Variants in MTUS2 observed in about 807,000 individuals in gnomAD.
The protein encoded by MTUS2 is microtubule associated scaffold protein 2, also known as microtubule-associated tumor suppressor candidate 2.
Under a neutral mutation model 114.1 loss-of-function variants are expected in MTUS2, and 40 were observed. The observed-to-expected ratio is 0.35, with a 90% confidence interval of 0.27 to 0.46. The LOEUF (loss-of-function observed/expected upper bound fraction) is 0.46, where lower values mean the gene tolerates loss of function less well. Among genes scored for constraint, MTUS2 ranks in the 20% least tolerant of loss-of-function variants. The probability of loss-of-function intolerance (pLI) is 1.00; values close to 1 mark genes in which losing one functional copy is unlikely to be tolerated. For missense variants in MTUS2, 1,679 were observed against 1,705.4 expected, an observed-to-expected ratio of 0.98 and a Z score of 0.27; for synonymous variants, 688 against 672.0, an observed-to-expected ratio of 1.02 and a Z score of -0.37.
intron 11 of MTUS2, among the ~76,000 whole-genome samples, chr13:29,489,379 AAGACCCAGTGTGCC>A (rs1241076575): frequency 6.6e-6 from 1 of 152,252 alleles, no homozygotes; most frequent in African/African-American, 2.4e-5. Context: ...CTCTGTGAAC[AAGACCCAGTGTGCC>A]ATAACCAAGG....
intron 5 of MTUS2, among the ~76,000 whole-genome samples, chr13:29,110,693 G>T (rs1363946293): frequency 6.6e-6 from 1 of 151,822 alleles, no homozygotes; most frequent in Non-Finnish European, 1.5e-5. Flanking sequence ...GTGTTTTTGA[G>T]CATTGCCTTT....
Position 29,359,262 on chromosome 13 carries a change from G to C in MTUS2, c.2906G>C (p.Gly969Ala). 1 of 1,594,888 alleles carries C rather than the reference G, an allele frequency of 6.3e-7. No homozygotes were observed. Among genetic ancestry groups the C allele is most frequent in the East Asian group, 2.3e-5 (1 of 43,948 alleles). Reference sequence around the variant, plus strand: ...CGGGGTTTGGTTTTCTTTCTCACAGGATACCCAAAGCAGAGGACTGCGGCA... The same window carrying C: ...CGGGGTTTGGTTTTCTTTCTCACAGCATACCCAAAGCAGAGGACTGCGGCA... ...AASTTKLHSP[G>A]YPKQRTAAAR... The change falls in exon 8 of 16, where the codon GGA (glycine) becomes GCA (alanine). Residue 969 changes from glycine (G) to alanine (A), a missense_variant and splice_region_variant. Around this residue, in one of 3 missense-constraint regions of MTUS2, gnomAD observed 822 missense variants for 899.7 expected, o/e 0.91. Coordinates refer to ENST00000612955, the MANE Select transcript of MTUS2 (RefSeq NM_001033602.4).
At chr13:29,170,666 C>G (rs1041137032) in intron 5 of MTUS2, among the ~76,000 whole-genome samples, 1 of 152,116 alleles carries the variant, frequency 6.6e-6, no homozygotes, top group African/African-American at 2.4e-5. Context: ...CCAAATGGGG[C>G]GGGGCATTTG....
At chr13:28,820,664 G>C (rs1873827595) in intron 1 of MTUS2, 53 bp downstream of exon 1, 1 of 152,210 alleles carries the variant, frequency 6.6e-6, no homozygotes. Flanking sequence ...CTCTGCTGCC[G>C]CCCTCTGGAC....
At chr13:28,825,830 G>A (rs769509696) in intron 1 of MTUS2, among the ~76,000 whole-genome samples, 2 of 152,176 alleles carry the variant, frequency 1.3e-5, no homozygotes, top group Non-Finnish European at 2.9e-5. Flanking sequence ...ATTGTTTGCT[G>A]GTGGGTAGGG....
At position 29,441,955 on chromosome 13, in the gene MTUS2, G is replaced by A. The variant is rs186945331; in HGVS notation, c.3184+1906G>A. Among the ~76,000 whole-genome samples the A allele has an allele frequency of 3.0e-3, 457 of 152,224 alleles. 3 individuals carry two copies. The highest frequency in any genetic ancestry group is 0.011 in the African/African-American group (437 of 41,530). On this transcript the variant is annotated intron_variant, in intron 9 of 15. Transcript: ENST00000612955. ...GCAAAGACCCCCTTCTCCACTCACC[G>A]GCTTTAGGGCCTGTCCTCAGTTGGA...
At chr13:29,425,884 TCTC>T (rs1481340597) in intron 8 of MTUS2, among the ~76,000 whole-genome samples, 3 of 119,342 alleles carry the variant, frequency 2.5e-5, no homozygotes, top group South Asian at 2.6e-4. Flanking sequence ...CTCGTGCTAA[TCTC>T]CTGTGAGCAA....
chr13:28,980,602 G>A (rs1399524023), intron 2 of MTUS2, among the ~76,000 whole-genome samples: 2 of 152,174 alleles, frequency 1.3e-5, no homozygotes, highest in African/African-American at 4.8e-5. Context: ...TTTAGCTCAC[G>A]GGGATGGCTA....
intron 8 of MTUS2, among the ~76,000 whole-genome samples, chr13:29,391,290 A>T (rs781438903): frequency 2.0e-5 from 3 of 152,152 alleles, no homozygotes; most frequent in Admixed American, 6.5e-5. Context: ...GGGTTTCACC[A>T]TGTTGGCCAG....
At chr13:28,996,463 A>G (rs557763040) in intron 2 of MTUS2, among the ~76,000 whole-genome samples, 2,701 of 152,334 alleles carry the variant, frequency 0.018, 83 homozygotes, top group African/African-American at 0.061. Context: ...GAATAGTTTC[A>G]GAAGGAATGG....
In MTUS2 at chr13:28,911,845, GTT is replaced by G. The variant is rs202187530; in HGVS notation, c.-243+72012_-243+72013del. On this transcript the variant is annotated intron_variant, in intron 2 of 15. Coordinates refer to ENST00000612955, the MANE Select transcript of MTUS2 (RefSeq NM_001033602.4). ...TCATATTCTTTGCCCACTTTTTAATGTTTTTTTTTTTTTTTTTTGTAAATTTG... is the reference window on the plus strand; with the variant it reads ...TCATATTCTTTGCCCACTTTTTAATGTTTTTTTTTTTTTTTTGTAAATTTG... Among the ~76,000 whole-genome samples the G allele has an allele frequency of 4.7e-3, 489 of 103,834 alleles. 3 individuals are homozygous for G. The highest frequency in any genetic ancestry group is 0.016 in the African/African-American group (421 of 26,634). The allele number at this position is 103,834 out of a possible 152,430, so 68.1% of individuals were successfully genotyped here. A position where few individuals can be genotyped will look rare whatever the true frequency, so the allele number is the denominator to read the frequency against.
intron 2 of MTUS2, among the ~76,000 whole-genome samples, chr13:29,000,573 C>G (rs1885340071): frequency 6.6e-6 from 1 of 152,122 alleles, no homozygotes; most frequent in Non-Finnish European, 1.5e-5. Context: ...GCCATGTTGT[C>G]CAGGCTGGTC....
intron 14 of MTUS2, among the ~76,000 whole-genome samples, chr13:29,499,853 T>C (rs1181108174): frequency 6.6e-6 from 1 of 152,236 alleles, no homozygotes. Context: ...ACGGGTGCAG[T>C]TAATGGGGGC....
chr13:28,885,956 G>GCC (rs1234790429), intron 2 of MTUS2, among the ~76,000 whole-genome samples: 1 of 152,186 alleles, frequency 6.6e-6, no homozygotes. Context: ...CACAGGGTGG[G>GCC]TGACACTGGG....
intron 7 of MTUS2, among the ~76,000 whole-genome samples, chr13:29,325,855 C>G (rs1311445405): frequency 6.6e-6 from 1 of 152,132 alleles, no homozygotes; most frequent in African/African-American, 2.4e-5. Flanking sequence ...CATTAATTTG[C>G]CCAAAGTCAC....
intron 2 of MTUS2, among the ~76,000 whole-genome samples, chr13:29,014,625 G>T (rs1219231539): frequency 6.6e-6 from 1 of 152,194 alleles, no homozygotes; most frequent in East Asian, 1.9e-4. Context: ...GACCATCCAG[G>T]AAAGCCCCTC....
chr13:29,451,616 C>A (rs561574097), intron 9 of MTUS2, among the ~76,000 whole-genome samples: 1 of 149,792 alleles, frequency 6.7e-6, no homozygotes, highest in African/African-American at 2.5e-5. Flanking sequence ...TGGAGTTTTG[C>A]TCTTGTTGCC....
intron 5 of MTUS2, among the ~76,000 whole-genome samples, chr13:29,267,053 GAA>G (rs1897691926): frequency 6.6e-6 from 1 of 152,204 alleles, no homozygotes; most frequent in Non-Finnish European, 1.5e-5. Flanking sequence ...AGCCGGGGAA[GAA>G]GAGCTGGTGG....
chr13:29,338,459 G>T (rs569543837), intron 7 of MTUS2, among the ~76,000 whole-genome samples: 1 of 152,044 alleles, frequency 6.6e-6, no homozygotes, highest in African/African-American at 2.4e-5. Context: ...GCGTGGCGGC[G>T]TGAGCCTGTA....
Sources: allele counts gnomAD v4.1 joint callset (sites outside exome capture counted in the v4.1 genomes callset), GRCh38; gene constraint gnomAD v4.1.1; regional missense constraint gnomAD v4.1.1; transcripts MANE v1.5; gene names NCBI Gene and HGNC (gene_info 2026-07-23, HGNC 2026-07-21).